The following SSTR3 variants were observed in gnomAD, a reference collection of about 807,000 sequenced individuals.
SSTR3 encodes the protein somatostatin receptor 3, also known as somatostatin receptor type 3.
For synonymous variants in SSTR3, 281 were observed against 269.2 expected (o/e 1.04, Z -0.43); for missense variants, 504 against 604.7 (o/e 0.83, Z 1.75).
intron 1 of SSTR3, among the ~76,000 whole-genome samples, chr22:37,210,244 C>A (rs994326749): frequency 2.0e-5 from 3 of 152,336 alleles, no homozygotes; most frequent in African/African-American, 7.2e-5. Context: ...GGGACATATG[C>A]CCCTGGGGTA....
chr22:37,213,342 ACAGT>A (rs1194555115), upstream of SSTR3, among the ~76,000 whole-genome samples: 1 of 152,200 alleles, frequency 6.6e-6, no homozygotes, highest in African/African-American at 2.4e-5. Flanking sequence ...AAGGAAAGGA[ACAGT>A]CAGAGACGGA....
chr22:37,212,500 G>A (rs548400822), upstream of SSTR3, among the ~76,000 whole-genome samples: 4 of 150,206 alleles, frequency 2.7e-5, no homozygotes, highest in South Asian at 2.1e-4. Flanking sequence ...GCTGAGGGCC[G>A]GAGAGCAGGT....
At chr22:37,211,279 C>A (rs894453592) in intron 1 of SSTR3, among the ~76,000 whole-genome samples, 1 of 152,166 alleles carries the variant, frequency 6.6e-6, no homozygotes. Context: ...TTGCCAGTGC[C>A]GACTGACTCA....
chr22:37,216,893 C>T (rs1430915324), upstream of SSTR3, among the ~76,000 whole-genome samples: 3 of 152,142 alleles, frequency 2.0e-5, no homozygotes, highest in Admixed American at 2.0e-4. Context: ...CTCTGCCTCC[C>T]AGGCCCAAGC....
chr22:37,211,934 C>A lies in SSTR3; in HGVS notation c.-146G>T. On this transcript the variant is annotated 5_prime_UTR_variant, in exon 1 of 2. Coordinates refer to ENST00000610913, the MANE Select transcript of SSTR3 (RefSeq NM_001051.5). Reference sequence around the variant, plus strand: ...CCCCCAGGGCACTCCTAACTAGGGTCCCCACAAGGCACCCACTTCTAGACC... The same window carrying A: ...CCCCCAGGGCACTCCTAACTAGGGTACCCACAAGGCACCCACTTCTAGACC... The A allele has an allele frequency of 5.1e-6, 5 of 985,654 alleles. No homozygotes were observed. The highest frequency in any genetic ancestry group is 6.0e-6 in the Non-Finnish European group (5 of 830,092). 61.1% of individuals were successfully genotyped at this position (985,654 alleles called of 1,614,324 possible).
intron 1 of SSTR3, chr22:37,210,946 G>T: frequency 1.0e-5 from 10 of 985,462 alleles, no homozygotes; most frequent in Non-Finnish European, 1.2e-5. Context: ...CATTGTCCCC[G>T]GATGGAAGCC....
At chr22:37,217,071 G>T (rs1569084380), upstream of SSTR3, among the ~76,000 whole-genome samples, 1 of 152,150 alleles carries the variant, frequency 6.6e-6, no homozygotes. Context: ...AAAGTGCTGG[G>T]ATTACAGGCG....
rs1926218275 is a variant in SSTR3 at position 37,211,983 on chromosome 22, C to T, written c.-195G>A. ...CCGCTTGCGGGCTCAGGTTCCCTCC[C>T]AGGCCCTCGGCCACGGCTGTCCACA... On this transcript the variant is annotated 5_prime_UTR_variant, in exon 1 of 2. Transcript: ENST00000610913. The T allele has an allele frequency of 1.0e-6, 1 of 985,702 alleles. No individual in the cohort carries two copies. Among genetic ancestry groups the T allele is most frequent in the Non-Finnish European group, 1.2e-6 (1 of 830,272 alleles). The allele number at this position is 985,702 out of a possible 1,614,324, so 61.1% of individuals were successfully genotyped here.
chr22:37,212,258 AGAG>A lies in SSTR3; in HGVS notation c.-473_-471del. ...GGGGGAGAGAGAGAGAGGGAGAGGG[AGAG>A]GAGACCGTGAGTAGGAGGAAAGGCA... On this transcript the variant is annotated 5_prime_UTR_variant, in exon 1 of 2. Transcript: ENST00000610913. 1.9e-6 allele frequency: 1 copy of A among 525,416 alleles called. No homozygotes were observed. The highest frequency in any genetic ancestry group is 2.4e-6 in the Non-Finnish European group (1 of 410,390). The allele number at this position is 525,416 out of a possible 1,614,324, so 32.5% of individuals were successfully genotyped here.
chr22:37,207,544 G>A lies in SSTR3; in HGVS notation c.260C>T (p.Ala87Val), dbSNP rs1332920981. 9 of 1,613,694 alleles carry A rather than the reference G, an allele frequency of 5.6e-6. No homozygotes were observed. The highest frequency in any genetic ancestry group is 2.2e-5 in the East Asian group (1 of 44,880). The change falls in exon 2 of 2, where the codon GCG (alanine) becomes GTG (valine). Residue 87 changes from alanine (A) to valine (V), a missense_variant. By Grantham distance (64) the Ala-to-Val change is moderately conservative. Coordinates refer to ENST00000610913, the MANE Select transcript of SSTR3 (RefSeq NM_001051.5). ...SVTNVYILNL[A>V]LADELFMLGL... The stretch of plus-strand genomic sequence containing the variant: ...CAGCATGAAGAGCTCGTCGGCCAGC[G>A]CCAGGTTGAGGATGTAGACGTTGGT...
chr22:37,217,903 C>T, the SSTR3 span, among the ~76,000 whole-genome samples: 1 of 152,134 alleles, frequency 6.6e-6, no homozygotes, highest in Non-Finnish European at 1.5e-5. Context: ...AGGGTTTCAC[C>T]ATGTTGGTCA....
rs1925657360 is a variant in SSTR3 at position 37,205,313 on chromosome 22, G to C, written c.*1234C>G. 1 of 152,984 alleles carries C rather than the reference G, an allele frequency of 6.5e-6. No individual in the cohort carries two copies. Among genetic ancestry groups the C allele is most frequent in the African/African-American group, 2.4e-5 (1 of 41,440 alleles). The allele number at this position is 152,984 out of a possible 1,614,324, so 9.5% of individuals were successfully genotyped here. A position where few individuals can be genotyped will look rare whatever the true frequency, so the allele number is the denominator to read the frequency against. On this transcript the variant is annotated 3_prime_UTR_variant, in exon 2 of 2. Transcript: ENST00000610913. ...CTGATCGTGTCCTTCCCTCAGTACT[G>C]GTTGGGTGGGGCTGTTGTCGGCAAC...
chr22:37,207,281 C>A lies in SSTR3; in HGVS notation c.523G>T (p.Val175Leu). The stretch of plus-strand genomic sequence containing the variant: ...CCCGAGAAGACCACCACGGGCAGCA[C>A]CACCACGGCTGAGGCCACCCACACA... ...AAVWVASAVV[V>L]LPVVVFSGVP... The change falls in exon 2 of 2, where the codon GTG becomes TTG. Residue 175 changes from valine to leucine, a missense_variant. Physicochemically the swap from Val to Leu is conservative, Grantham distance 32. Coordinates refer to ENST00000610913, the MANE Select transcript of SSTR3 (RefSeq NM_001051.5). 5.0e-6 allele frequency: 8 copies of A among 1,594,542 alleles called. No homozygotes were observed. The highest frequency in any genetic ancestry group is 6.0e-6 in the Non-Finnish European group (7 of 1,169,336).
At chr22:37,208,336 T>C (rs1233938882) in intron 1 of SSTR3, among the ~76,000 whole-genome samples, 1 of 152,224 alleles carries the variant, frequency 6.6e-6, no homozygotes, top group Admixed American at 6.5e-5. Flanking sequence ...TGAAGGTTAA[T>C]GTCAGATCTG....
the SSTR3 span, among the ~76,000 whole-genome samples, chr22:37,217,864 C>G: frequency 6.6e-6 from 1 of 152,204 alleles, no homozygotes; most frequent in South Asian, 2.1e-4. Context: ...CCACCACACC[C>G]AGCTAATTTT....
At chr22:37,208,544 G>A (rs2058611082) in intron 1 of SSTR3, among the ~76,000 whole-genome samples, 3 of 152,216 alleles carry the variant, frequency 2.0e-5, no homozygotes, top group African/African-American at 7.2e-5. Context: ...AGGCCGGCTG[G>A]GGTTGGAGAA....
chr22:37,212,120 G>C lies in SSTR3; in HGVS notation c.-332C>G. 1 of 985,240 alleles carries C rather than the reference G, an allele frequency of 1.0e-6. No individual in the cohort carries two copies. The highest frequency in any genetic ancestry group is 1.2e-6 in the Non-Finnish European group (1 of 829,884). 61.0% of individuals were successfully genotyped at this position (985,240 alleles called of 1,614,324 possible). On this transcript the variant is annotated 5_prime_UTR_variant, in exon 1 of 2. Coordinates refer to ENST00000610913, the MANE Select transcript of SSTR3 (RefSeq NM_001051.5). Reference sequence around the variant, plus strand: ...GCAGGGGCAAGGATAGGGGGGAGAAGCTTCCCAGGGTGAGGAAGAGAAGAG... The same window carrying C: ...GCAGGGGCAAGGATAGGGGGGAGAACCTTCCCAGGGTGAGGAAGAGAAGAG...
upstream of SSTR3, chr22:37,215,775 T>C: frequency 3.5e-6 from 1 of 282,032 alleles, no homozygotes. Flanking sequence ...TATCTCCTTT[T>C]GGAGCTGTAC....
At chr22:37,213,608 G>T (rs1281255608), upstream of SSTR3, among the ~76,000 whole-genome samples, 1 of 152,198 alleles carries the variant, frequency 6.6e-6, no homozygotes. Context: ...TTTGCCTTGT[G>T]CCCGGGACAA....
Sources: gnomAD v4.1 joint callset for allele counts (sites outside exome capture counted in the v4.1 genomes callset) on GRCh38, gnomAD v4.1.1 for gene constraint, MANE v1.5 for transcripts, NCBI Gene and HGNC (gene_info 2026-07-23, HGNC 2026-07-21) for gene names.